GABRB1: variants seen among roughly 807,000 people sequenced by gnomAD.
GABRB1 encodes gamma-aminobutyric acid receptor subunit beta-1.
Under a neutral mutation model 51.6 loss-of-function variants are expected in GABRB1, and 17 were observed. The observed-to-expected ratio is 0.33, with a 90% CI of 0.23 to 0.49. The LOEUF (loss-of-function observed/expected upper bound fraction) is 0.49, where lower values mean the gene tolerates loss of function less well. Ranked by LOEUF, GABRB1 falls within the 20% of genes least tolerant of loss-of-function variation. The pLI, the probability that GABRB1 is intolerant of heterozygous loss-of-function variation, is 0.99. For missense variants in GABRB1, 410 were observed against 600.6 expected (o/e 0.68, Z 3.32); for synonymous variants, 247 against 218.9 (o/e 1.13, Z -1.14).
At chr4:47,296,935 A>G (rs1039928686) in intron 4 of GABRB1, among the ~76,000 whole-genome samples, 1 of 152,226 alleles carries the variant, frequency 6.6e-6, no homozygotes, top group Non-Finnish European at 1.5e-5. Context: ...CAATCAAACT[A>G]GAACTCAGAA....
At chr4:47,093,353 A>G (rs1714209047) in intron 3 of GABRB1, among the ~76,000 whole-genome samples, 1 of 152,184 alleles carries the variant, frequency 6.6e-6, no homozygotes. Context: ...ATATTTTGCT[A>G]TGGCTGTCCA....
chr4:47,007,894 A>AT (rs1491436729), intron 1 of GABRB1, among the ~76,000 whole-genome samples: 4,831 of 32,184 alleles, frequency 0.15, 328 homozygotes, highest in South Asian at 0.21. Flanking sequence ...ATATATATAT[A>AT]AAATCAAGTT....
intron 3 of GABRB1, among the ~76,000 whole-genome samples, chr4:47,040,023 G>C (rs904886261): frequency 1.3e-5 from 2 of 152,174 alleles, no homozygotes; most frequent in African/African-American, 4.8e-5. Flanking sequence ...ACAAGGACCA[G>C]AAGTGCACTG....
intron 1 of GABRB1, among the ~76,000 whole-genome samples, chr4:47,002,621 C>T (rs1724263593): frequency 6.6e-6 from 1 of 151,948 alleles, no homozygotes; most frequent in Non-Finnish European, 1.5e-5. Context: ...GAACCTATAA[C>T]ACAAATCAGA....
At chr4:47,222,725 A>G (rs923805436) in intron 4 of GABRB1, among the ~76,000 whole-genome samples, 1 of 152,158 alleles carries the variant, frequency 6.6e-6, no homozygotes, top group African/African-American at 2.4e-5. Flanking sequence ...CAGATTGTGA[A>G]CAAACAAAAC....
At chr4:47,386,949 C>T (rs1727816155) in intron 5 of GABRB1, among the ~76,000 whole-genome samples, 1 of 152,186 alleles carries the variant, frequency 6.6e-6, no homozygotes, top group South Asian at 2.1e-4. Context: ...AAAGGCTAAA[C>T]AATTAGGAAA....
chr4:47,126,557 T>C (rs981835959), intron 3 of GABRB1, among the ~76,000 whole-genome samples: 1 of 152,110 alleles, frequency 6.6e-6, no homozygotes, highest in Non-Finnish European at 1.5e-5. Context: ...ATTTATCAAG[T>C]ACACCTCAAC....
intron 3 of GABRB1, among the ~76,000 whole-genome samples, chr4:47,091,158 ACTGCTAAACATCG>A (rs1728275727): frequency 6.6e-6 from 1 of 152,038 alleles, no homozygotes; most frequent in African/African-American, 2.4e-5. Flanking sequence ...AGGCAAGGAT[ACTGCTAAACATCG>A]TACACAGGAC....
In GABRB1 at chr4:47,258,635, A is replaced by G. The variant is rs563025056; in HGVS notation, c.462-61492A>G. On this transcript the variant is annotated intron_variant, in intron 4 of 8. Coordinates refer to ENST00000295454, the MANE Select transcript of GABRB1 (RefSeq NM_000812.4). ...AGGGAAATATTCAAATTCAGAATTC[A>G]AAAGAATGACAATGTATTAGTCAAG... is the stretch of plus-strand genomic sequence containing the variant. Among the ~76,000 whole-genome samples, 9 of 152,338 alleles carry G rather than the reference A, an allele frequency of 5.9e-5. No individual in the cohort carries two copies. In the East Asian group the frequency reaches 1.7e-3, roughly 29 times the overall value.
chr4:47,205,432 A>G (rs941876794), intron 4 of GABRB1, among the ~76,000 whole-genome samples: 1 of 152,186 alleles, frequency 6.6e-6, no homozygotes, highest in African/African-American at 2.4e-5. Context: ...ATGTCTAAGT[A>G]TTCATTCTTT....
chr4:47,148,196 G>A (rs895985621), intron 3 of GABRB1, among the ~76,000 whole-genome samples: 2 of 152,040 alleles, frequency 1.3e-5, no homozygotes, highest in African/African-American at 2.4e-5. Flanking sequence ...AATACTCTTA[G>A]GTTCTGGTTT....
At chr4:47,262,205 A>G (rs1310668696) in intron 4 of GABRB1, among the ~76,000 whole-genome samples, 1 of 151,988 alleles carries the variant, frequency 6.6e-6, no homozygotes, top group African/African-American at 2.4e-5. Context: ...GATCTCATTA[A>G]ACTAAAGAGC....
chr4:47,085,869 A>G (rs1728034324), intron 3 of GABRB1, among the ~76,000 whole-genome samples: 2 of 152,298 alleles, frequency 1.3e-5, no homozygotes, highest in South Asian at 4.1e-4. Context: ...AAGGTAATCC[A>G]AGGTCCCAAG....
chr4:47,012,484 T>C (rs1018316232), intron 1 of GABRB1, among the ~76,000 whole-genome samples: 3 of 152,210 alleles, frequency 2.0e-5, no homozygotes, highest in Admixed American at 6.5e-5. Flanking sequence ...TTGCTAAGGA[T>C]AATGGTCTCC....
At chr4:47,261,019 T>C (rs996822250) in intron 4 of GABRB1, among the ~76,000 whole-genome samples, 1 of 152,112 alleles carries the variant, frequency 6.6e-6, no homozygotes, top group African/African-American at 2.4e-5. Context: ...CTAAAAACTC[T>C]CAAGAAATTA....
At chr4:47,400,050 C>A (rs942878276) in intron 5 of GABRB1, among the ~76,000 whole-genome samples, 2 of 152,142 alleles carry the variant, frequency 1.3e-5, no homozygotes, top group African/African-American at 4.8e-5. Context: ...GCCCACTATT[C>A]ATATATTAGA....
At chr4:47,339,856 C>CACACACA (rs1553876434) in intron 5 of GABRB1, among the ~76,000 whole-genome samples, 1 of 150,364 alleles carries the variant, frequency 6.7e-6, no homozygotes, top group African/African-American at 2.5e-5. Context: ...CACACACACA[C>CACACACA]CCCACTTTGG....
At chr4:47,152,639 A>C (rs1717510987) in intron 3 of GABRB1, among the ~76,000 whole-genome samples, 1 of 151,798 alleles carries the variant, frequency 6.6e-6, no homozygotes, top group African/African-American at 2.4e-5. Context: ...ATAACTACTT[A>C]TTTGGCACCT....
intron 3 of GABRB1, among the ~76,000 whole-genome samples, chr4:47,132,214 G>A (rs1383810002): frequency 6.6e-6 from 1 of 151,844 alleles, no homozygotes; most frequent in South Asian, 2.1e-4. Flanking sequence ...TTTTCTTGTT[G>A]AAAATATCAA....
Sources: allele counts gnomAD v4.1 joint callset (sites outside exome capture counted in the v4.1 genomes callset), GRCh38; gene constraint gnomAD v4.1.1; transcripts MANE v1.5; gene names NCBI Gene and HGNC (gene_info 2026-07-23, HGNC 2026-07-21).